Variants in MCC observed in about 807,000 individuals in gnomAD.
The protein encoded by MCC is MCC regulator of Wnt signaling pathway.
In MCC, 90 loss-of-function variants were observed where a neutral mutation model predicts 116.2. That is an observed-to-expected ratio of 0.77 (90% CI 0.65 to 0.92). The LOEUF is 0.92. Ranked by LOEUF, MCC falls within the 40% of genes least tolerant of loss-of-function variation. The probability of loss-of-function intolerance (pLI) is 0.00; values close to 1 mark genes in which losing one functional copy is unlikely to be tolerated. For missense variants in MCC, 1,516 were observed against 1,312.2 expected (o/e 1.16, Z -2.40); for synonymous variants, 578 against 510.5 (o/e 1.13, Z -1.78).
At chr5:113,100,464 CTTT>C (rs10649958) in intron 8 of MCC, among the ~76,000 whole-genome samples, 13 of 78,844 alleles carry the variant, frequency 1.6e-4, no homozygotes, top group African/African-American at 5.1e-4. Flanking sequence ...GTATTTTTCC[CTTT>C]TTTTTTTTTT....
At chr5:113,256,132 T>C (rs990573005) in intron 3 of MCC, among the ~76,000 whole-genome samples, 9 of 152,232 alleles carry the variant, frequency 5.9e-5, no homozygotes, top group Non-Finnish European at 1.2e-4. Context: ...TGGAAGGTTC[T>C]AATTCAGAAG....
At chr5:113,037,398 A>G (rs1459089481) in intron 17 of MCC, among the ~76,000 whole-genome samples, 1 of 152,200 alleles carries the variant, frequency 6.6e-6, no homozygotes, top group Non-Finnish European at 1.5e-5. Context: ...ACTGATGGGT[A>G]AAGAGTAGTC....
At chr5:113,073,029 G>A (rs907209782) in intron 11 of MCC, among the ~76,000 whole-genome samples, 4 of 151,684 alleles carry the variant, frequency 2.6e-5, no homozygotes, top group South Asian at 2.1e-4. Context: ...GGCTGCATGG[G>A]GCCCAACACA....
intron 3 of MCC, among the ~76,000 whole-genome samples, chr5:113,338,725 C>T (rs1351827214): frequency 1.3e-5 from 2 of 152,194 alleles, no homozygotes; most frequent in East Asian, 3.8e-4. Context: ...CAGGCATAGC[C>T]TAAGTCCAGG....
rs140063367 is a variant in MCC, at chr5:113,302,464, A to T, written c.627+38055T>A. On this transcript the variant is annotated intron_variant, in intron 3 of 18. Transcript: ENST00000408903. ...AACAAAGTAACTATAAAAAATTATG[A>T]ATTGTGAAAATTACATATTATACAG... Among the ~76,000 whole-genome samples the T allele has an allele frequency of 3.6e-4, 55 of 152,336 alleles. 1 individual carries two copies. The highest frequency in any genetic ancestry group is 9.8e-4 in the Admixed American group (15 of 15,310).
intron 3 of MCC, among the ~76,000 whole-genome samples, chr5:113,214,758 C>G (rs1763250033): frequency 6.6e-6 from 1 of 152,186 alleles, no homozygotes; most frequent in Non-Finnish European, 1.5e-5. Flanking sequence ...ACACTGTAGC[C>G]AAGCGCACCT....
rs1279674405 is a variant in MCC at position 113,148,502 on chromosome 5, A to C, written c.741+2807T>G. ...TCTGTTGAACATAACCACCATTTAC[A>C]TTTTACATTTTAATCATGGCACTAT... is the stretch of plus-strand genomic sequence containing the variant. On this transcript the variant is annotated intron_variant, in intron 4 of 18. Coordinates refer to ENST00000408903, the MANE Select transcript of MCC (RefSeq NM_001085377.2). 2.6e-5 allele frequency among the ~76,000 whole-genome samples: 4 copies of C among 152,164 alleles called. No individual in the cohort carries two copies. The East Asian group carries it at 5.8e-4, about 22-fold the overall frequency.
chr5:113,085,151 C>T lies in MCC; in HGVS notation c.1545+13G>A. On this transcript the variant is annotated intron_variant, in intron 9 of 18. Transcript: ENST00000408903. ...GGTGTTCCCGCTCATCGGGTCCATCCCCAGGAACTCACCTTGGCGATGGGA... is the reference window on the plus strand; with the variant it reads ...GGTGTTCCCGCTCATCGGGTCCATCTCCAGGAACTCACCTTGGCGATGGGA... 6.2e-7 allele frequency: 1 copy of T among 1,614,106 alleles called. No individual in the cohort carries two copies.
chr5:113,431,768 G>GGGGT (rs1770656746), intron 1 of MCC, among the ~76,000 whole-genome samples: 1 of 136,740 alleles, frequency 7.3e-6, no homozygotes, highest in Non-Finnish European at 1.6e-5. Context: ...GGCCAAGGGG[G>GGGGT]GGGGGGGGTG....
intron 11 of MCC, among the ~76,000 whole-genome samples, chr5:113,080,591 G>T (rs994965581): frequency 2.0e-5 from 3 of 152,194 alleles, no homozygotes; most frequent in African/African-American, 7.2e-5. Context: ...CTCATAGGTG[G>T]GAATTGAACA....
At chr5:113,436,048 CAT>C (rs909076147) in intron 1 of MCC, 3 of 152,574 alleles carry the variant, frequency 2.0e-5, no homozygotes, top group Middle Eastern at 3.4e-3. Context: ...ACTTTGGCCT[CAT>C]CCACCTAGAG....
intron 17 of MCC, among the ~76,000 whole-genome samples, chr5:113,041,120 G>A (rs1202242296): frequency 6.6e-6 from 1 of 152,140 alleles, no homozygotes; most frequent in African/African-American, 2.4e-5. Context: ...CAGAGGCTCT[G>A]GCAAAGTACA....
At position 113,134,122 on chromosome 5, in the gene MCC, T is replaced by C. The variant is rs560875197; in HGVS notation, c.884+9096A>G. On this transcript the variant is annotated intron_variant, in intron 5 of 18. Transcript: ENST00000408903. ...AGTTTTGCTATCATTGCCTATGCTTTTGAGGTCTTACTAAAAATTCTTTGC... is the reference window on the plus strand; with the variant it reads ...AGTTTTGCTATCATTGCCTATGCTTCTGAGGTCTTACTAAAAATTCTTTGC... Among the ~76,000 whole-genome samples, 3 of 152,368 alleles carry C rather than the reference T, an allele frequency of 2.0e-5. No homozygotes were observed. In the South Asian group the frequency reaches 6.2e-4, roughly 32 times the overall value.
intron 1 of MCC, among the ~76,000 whole-genome samples, chr5:113,447,058 A>G (rs1275501854): frequency 6.6e-6 from 1 of 152,106 alleles, no homozygotes; most frequent in Non-Finnish European, 1.5e-5. Context: ...GAGGTTTTGC[A>G]GGTTATCTGC....
intron 1 of MCC, among the ~76,000 whole-genome samples, chr5:113,387,128 T>C (rs1290720309): frequency 6.6e-6 from 1 of 152,114 alleles, no homozygotes; most frequent in African/African-American, 2.4e-5. Context: ...ATGGTAGCCA[T>C]TATCCCTGTA....
intron 3 of MCC, among the ~76,000 whole-genome samples, chr5:113,217,417 A>G (rs1561464173): frequency 6.6e-6 from 1 of 152,202 alleles, no homozygotes; most frequent in African/African-American, 2.4e-5. Flanking sequence ...TATTAAGTTG[A>G]TTTTTTATAG....
intron 8 of MCC, among the ~76,000 whole-genome samples, chr5:113,086,970 TC>T (rs1429439240): frequency 1.3e-5 from 2 of 152,166 alleles, no homozygotes; most frequent in Non-Finnish European, 2.9e-5. Context: ...ATGCTGCCGG[TC>T]GGGGACCATA....
chr5:113,042,342 G>T (rs1328285873), intron 17 of MCC, among the ~76,000 whole-genome samples: 4 of 149,320 alleles, frequency 2.7e-5, no homozygotes, highest in Non-Finnish European at 5.9e-5. Flanking sequence ...AGGTGTGGGG[G>T]CATGCACCTG....
intron 3 of MCC, among the ~76,000 whole-genome samples, chr5:113,249,367 T>TA (rs1764705412): frequency 1.3e-5 from 2 of 152,178 alleles, no homozygotes; most frequent in African/African-American, 4.8e-5. Context: ...CAGTGAGACT[T>TA]ACCAACTTTA....
Sources: gnomAD v4.1 joint callset for allele counts (sites outside exome capture counted in the v4.1 genomes callset) on GRCh38, gnomAD v4.1.1 for gene constraint, MANE v1.5 for transcripts, NCBI Gene and HGNC (gene_info 2026-07-23, HGNC 2026-07-21) for gene names.